NETO1: variants seen among roughly 807,000 people sequenced by gnomAD.
NETO1 encodes neuropilin and tolloid-like protein 1.
NETO1 carries 26 observed loss-of-function variants against 61.3 expected under a neutral mutation model. The ratio of observed to expected loss-of-function variants is 0.42; its 90% CI spans 0.31 to 0.59. The LOEUF (loss-of-function observed/expected upper bound fraction) is 0.59. NETO1 is among the 20% of genes least tolerant of loss of function. The pLI, the probability that NETO1 is intolerant of heterozygous loss-of-function variation, is 0.12. For synonymous variants in NETO1, 225 were observed against 225.8 expected, an observed-to-expected ratio of 1.00 and a Z score of 0.03; for missense variants, 531 against 662.8, an observed-to-expected ratio of 0.80 and a Z score of 2.18.
chr18:72,809,271 T>C (rs1305585563), intron 4 of NETO1, among the ~76,000 whole-genome samples: 2 of 152,216 alleles, frequency 1.3e-5, no homozygotes, highest in Non-Finnish European at 2.9e-5. Context: ...AATGATATTA[T>C]GTTAAACAAA....
At chr18:72,864,158 T>C (rs907605613) in intron 3 of NETO1, among the ~76,000 whole-genome samples, 4 of 152,012 alleles carry the variant, frequency 2.6e-5, no homozygotes, top group African/African-American at 9.7e-5. Context: ...GACTCTCGCT[T>C]TGTCTCAAAA....
At chr18:72,809,077 C>T (rs58474884) in intron 4 of NETO1, among the ~76,000 whole-genome samples, 214 of 152,290 alleles carry the variant, frequency 1.4e-3, no homozygotes, top group African/African-American at 4.8e-3. Flanking sequence ...GATTCTCATT[C>T]CTTTACCAAG....
At chr18:72,834,594 C>A in intron 4 of NETO1, 1 of 982,800 alleles carries the variant, frequency 1.0e-6, no homozygotes, top group Non-Finnish European at 1.2e-6. Context: ...TTACTCAGAT[C>A]AAAGTCATGT....
chr18:72,755,176 A>G (rs1363501986), intron 8 of NETO1, among the ~76,000 whole-genome samples: 2 of 152,220 alleles, frequency 1.3e-5, no homozygotes, highest in Non-Finnish European at 2.9e-5. Context: ...CAGGTCTGCA[A>G]TAAGATCACT....
At chr18:72,758,668 C>T (rs186148744) in intron 7 of NETO1, among the ~76,000 whole-genome samples, 160 of 151,960 alleles carry the variant, frequency 1.1e-3, no homozygotes, top group African/African-American at 3.5e-3. Context: ...GAAGCCCGTC[C>T]CTACTAAAAA....
chr18:72,849,879 C>T (rs1439906724), intron 4 of NETO1, among the ~76,000 whole-genome samples: 1 of 152,186 alleles, frequency 6.6e-6, no homozygotes, highest in Non-Finnish European at 1.5e-5. Flanking sequence ...TGGCTTGCTG[C>T]CACTTCATCC....
chr18:72,824,078 G>A (rs1334907131), intron 4 of NETO1, among the ~76,000 whole-genome samples: 1 of 152,216 alleles, frequency 6.6e-6, no homozygotes, highest in Non-Finnish European at 1.5e-5. Context: ...ACAACTGCAT[G>A]TCTGTGTTGT....
intron 8 of NETO1, among the ~76,000 whole-genome samples, chr18:72,754,242 A>T (rs2070716061): frequency 1.3e-5 from 2 of 152,136 alleles, no homozygotes; most frequent in African/African-American, 4.8e-5. Flanking sequence ...TACTAACTTA[A>T]GGCAGAAGAA....
chr18:72,758,335 C>T (rs2070852538), intron 7 of NETO1, among the ~76,000 whole-genome samples: 1 of 149,350 alleles, frequency 6.7e-6, no homozygotes, highest in South Asian at 2.1e-4. Flanking sequence ...GCAAATATGC[C>T]AGTTAATTAG....
chr18:72,758,936 A>G (rs1049492446), intron 7 of NETO1, among the ~76,000 whole-genome samples: 1 of 152,326 alleles, frequency 6.6e-6, no homozygotes, highest in African/African-American at 2.4e-5. Flanking sequence ...ATAGACACCC[A>G]AAGTATAATA....
chr18:72,773,686 C>T (rs138341823), intron 7 of NETO1, among the ~76,000 whole-genome samples: 3,025 of 152,246 alleles, frequency 0.02, 105 homozygotes, highest in African/African-American at 0.07. Context: ...CTCTCTCCTG[C>T]TGCCCTGTGA....
intron 7 of NETO1, among the ~76,000 whole-genome samples, chr18:72,782,962 T>A (rs2071794142): frequency 1.3e-5 from 2 of 152,238 alleles, no homozygotes; most frequent in South Asian, 2.1e-4. Flanking sequence ...GTTCTTCTTT[T>A]CAGTGTCTGT....
intron 4 of NETO1, among the ~76,000 whole-genome samples, chr18:72,802,732 G>T (rs2072549862): frequency 6.6e-6 from 1 of 152,190 alleles, no homozygotes. Context: ...AATGAATCAG[G>T]ACTGTGGCAC....
intron 7 of NETO1, among the ~76,000 whole-genome samples, chr18:72,780,779 C>T (rs1035536081): frequency 2.6e-5 from 4 of 152,084 alleles, no homozygotes; most frequent in African/African-American, 9.7e-5. Flanking sequence ...AGGTAGTTAT[C>T]ACATTTTGAA....
chr18:72,813,803 A>C (rs1275707027), intron 4 of NETO1, among the ~76,000 whole-genome samples: 1 of 152,176 alleles, frequency 6.6e-6, no homozygotes, highest in Non-Finnish European at 1.5e-5. Flanking sequence ...GTGAGACACT[A>C]ATCTTATCAG....
chr18:72,840,140 A>C (rs983355717), intron 4 of NETO1, among the ~76,000 whole-genome samples: 1 of 152,238 alleles, frequency 6.6e-6, no homozygotes, highest in African/African-American at 2.4e-5. Context: ...AGTGAATAAA[A>C]GTCCTCATTA....
chr18:72,860,473 C>T (rs753746), intron 3 of NETO1, among the ~76,000 whole-genome samples: 26,341 of 151,928 alleles, frequency 0.17, 3,061 homozygotes, highest in Middle Eastern at 0.28. Flanking sequence ...AAATTGGAGA[C>T]CTACAGAATA....
chr18:72,799,583 A>G (rs1340939601), intron 4 of NETO1, among the ~76,000 whole-genome samples: 1 of 152,234 alleles, frequency 6.6e-6, no homozygotes, highest in Non-Finnish European at 1.5e-5. Flanking sequence ...TGTCAGCCAT[A>G]CAGAAATGCT....
chr18:72,811,812 GA>G (rs543335603), intron 4 of NETO1, among the ~76,000 whole-genome samples: 20 of 150,850 alleles, frequency 1.3e-4, no homozygotes, highest in South Asian at 2.1e-4. Context: ...CTGAAAGAAA[GA>G]AAAAAAAAGT....
Sources: allele counts gnomAD v4.1 joint callset (sites outside exome capture counted in the v4.1 genomes callset), GRCh38; gene constraint gnomAD v4.1.1; transcripts MANE v1.5; gene names NCBI Gene and HGNC (gene_info 2026-07-23, HGNC 2026-07-21).